SCHIP1: variants seen among roughly 807,000 people sequenced by gnomAD.
The protein encoded by SCHIP1 is schwannomin-interacting protein 1.
Under a neutral mutation model 29.7 loss-of-function variants are expected in SCHIP1, and 8 were observed. The ratio of observed to expected loss-of-function variants is 0.27; its 90% CI spans 0.16 to 0.49. The LOEUF (loss-of-function observed/expected upper bound fraction) is 0.49, where lower values mean the gene tolerates loss of function less well. SCHIP1 is among the 20% of genes least tolerant of loss of function. The pLI, the probability that SCHIP1 is intolerant of heterozygous loss-of-function variation, is 0.99. For synonymous variants in SCHIP1, 76 were observed against 94.9 expected (o/e 0.80, Z 1.16); for missense variants, 193 against 294.6 (o/e 0.66, Z 2.52).
chr3:159,336,782 C>T, the SCHIP1 span, among the ~76,000 whole-genome samples: 2 of 152,150 alleles, frequency 1.3e-5, no homozygotes, highest in African/African-American at 4.8e-5. Flanking sequence ...AATGTGATGC[C>T]TCCAGCTTTG....
the SCHIP1 span, among the ~76,000 whole-genome samples, chr3:159,652,154 T>C: frequency 6.6e-6 from 1 of 152,166 alleles, no homozygotes; most frequent in Non-Finnish European, 1.5e-5. Flanking sequence ...GGCTCATGTT[T>C]ATGGTCTATA....
the SCHIP1 span, among the ~76,000 whole-genome samples, chr3:159,691,885 C>A: frequency 2.0e-5 from 3 of 152,048 alleles, no homozygotes; most frequent in East Asian, 5.8e-4. Flanking sequence ...ATATGAAATT[C>A]TGGGTTGAAA....
the SCHIP1 span, among the ~76,000 whole-genome samples, chr3:159,313,255 A>G: frequency 1.3e-5 from 2 of 152,250 alleles, no homozygotes; most frequent in Non-Finnish European, 2.9e-5. Context: ...CGCAGGAAAG[A>G]AAGAAATAGT....
chr3:159,500,127 T>A, the SCHIP1 span, among the ~76,000 whole-genome samples: 1 of 152,018 alleles, frequency 6.6e-6, no homozygotes, highest in Non-Finnish European at 1.5e-5. Context: ...TGCCACTAAG[T>A]CCAGTTTTTT....
chr3:159,589,975 C>T, the SCHIP1 span, among the ~76,000 whole-genome samples: 1 of 152,150 alleles, frequency 6.6e-6, no homozygotes, highest in Non-Finnish European at 1.5e-5. Flanking sequence ...ATACAGATTT[C>T]AAATTTAATT....
At chr3:159,467,106 T>A in the SCHIP1 span, among the ~76,000 whole-genome samples, 1 of 152,100 alleles carries the variant, frequency 6.6e-6, no homozygotes, top group East Asian at 1.9e-4. Context: ...TCTGTGTGTG[T>A]CTCTCTCTGC....
chr3:159,346,180 T>C, the SCHIP1 span, among the ~76,000 whole-genome samples: 1 of 143,950 alleles, frequency 6.9e-6, no homozygotes, highest in Non-Finnish European at 1.5e-5. Context: ...AGAATGAGAC[T>C]CTGTCTCAGA....
the SCHIP1 span, among the ~76,000 whole-genome samples, chr3:159,673,313 A>G: frequency 1.3e-5 from 2 of 152,218 alleles, no homozygotes; most frequent in Non-Finnish European, 1.5e-5. Context: ...CCTGCTCTGG[A>G]GTTACTTCTC....
chr3:159,274,387 T>TA, the SCHIP1 span: 1 of 970,420 alleles, frequency 1.0e-6, no homozygotes, highest in Non-Finnish European at 1.2e-6. Context: ...TTTGATGACT[T>TA]AAAAAATCTC....
At chr3:159,824,190 T>G in the SCHIP1 span, among the ~76,000 whole-genome samples, 1 of 152,234 alleles carries the variant, frequency 6.6e-6, no homozygotes, top group African/African-American at 2.4e-5. Flanking sequence ...AATCTGAAAG[T>G]TATTCTTAAC....
chr3:159,325,174 C>T, the SCHIP1 span, among the ~76,000 whole-genome samples: 2 of 152,028 alleles, frequency 1.3e-5, no homozygotes, highest in Non-Finnish European at 2.9e-5. Context: ...AGACCTTATC[C>T]TCACCTGTTC....
the SCHIP1 span, among the ~76,000 whole-genome samples, chr3:159,514,779 C>T: frequency 6.6e-6 from 1 of 152,226 alleles, no homozygotes; most frequent in South Asian, 2.1e-4. Context: ...GAACTGCAGA[C>T]TTGGTATCCA....
chr3:159,362,934 A>G, the SCHIP1 span, among the ~76,000 whole-genome samples: 1 of 152,214 alleles, frequency 6.6e-6, no homozygotes, highest in African/African-American at 2.4e-5. Context: ...CTTCTGCTGT[A>G]CTGGGGTAAC....
the SCHIP1 span, among the ~76,000 whole-genome samples, chr3:159,368,615 C>G: frequency 6.6e-6 from 1 of 152,100 alleles, no homozygotes; most frequent in African/African-American, 2.4e-5. Flanking sequence ...ATTTGACAAC[C>G]CTCTAAGGTA....
chr3:159,496,415 A>G, the SCHIP1 span, among the ~76,000 whole-genome samples: 6 of 152,164 alleles, frequency 3.9e-5, no homozygotes, highest in Admixed American at 3.9e-4. Context: ...CAAGAAAAAA[A>G]CAAACAACCC....
the SCHIP1 span, among the ~76,000 whole-genome samples, chr3:159,405,814 C>T: frequency 2.2e-4 from 33 of 148,522 alleles, 1 homozygote; most frequent in South Asian, 1.5e-3. Flanking sequence ...ACCCAGTAGG[C>T]GGAGGTTGCA....
chr3:159,868,644 C>G (rs1419868315), intron 2 of SCHIP1, among the ~76,000 whole-genome samples: 1 of 152,066 alleles, frequency 6.6e-6, no homozygotes, highest in Non-Finnish European at 1.5e-5. Flanking sequence ...TCCCCATGTT[C>G]TGCATTTGTA....
chr3:159,346,959 C>G, the SCHIP1 span, among the ~76,000 whole-genome samples: 2 of 152,156 alleles, frequency 1.3e-5, no homozygotes. Context: ...CAAGGATCCA[C>G]TCATAGTGGC....
At chr3:159,442,991 A>G in the SCHIP1 span, among the ~76,000 whole-genome samples, 1 of 152,232 alleles carries the variant, frequency 6.6e-6, no homozygotes, top group Non-Finnish European at 1.5e-5. Flanking sequence ...TGTTACATTA[A>G]CAATTAATAG....
Sources: gnomAD v4.1 joint callset for allele counts (sites outside exome capture counted in the v4.1 genomes callset) on GRCh38, gnomAD v4.1.1 for gene constraint, MANE v1.5 for transcripts, NCBI Gene and HGNC (gene_info 2026-07-23, HGNC 2026-07-21) for gene names.